MAP2: variants seen among roughly 807,000 people sequenced by gnomAD.
MAP2 encodes microtubule associated protein 2, also known as microtubule-associated protein 2.
In MAP2, 14 loss-of-function variants were observed where a neutral mutation model predicts 137.6. The observed-to-expected ratio is 0.10, with a 90% CI of 0.07 to 0.16. MAP2 has a LOEUF of 0.16. Ranked by LOEUF, MAP2 falls within the 10% of genes least tolerant of loss-of-function variation. The pLI, the probability that MAP2 is intolerant of heterozygous loss-of-function variation, is 1.00. For missense variants in MAP2, 2,088 were observed against 2,191.5 expected (o/e 0.95, Z 0.94); for synonymous variants, 786 against 782.3 (o/e 1.00, Z -0.08).
chr2:209,696,431 A>T, intron 8 of MAP2, 81 bp downstream of exon 8: 2 of 1,472,948 alleles, frequency 1.4e-6, no homozygotes. Context: ...ATTTTAAAAT[A>T]CCTCTTTATC....
At chr2:209,720,638 C>CAAAAAAAAAAAAAAAAAA in intron 13 of MAP2, among the ~76,000 whole-genome samples, 1 of 72,806 alleles carries the variant, frequency 1.4e-5, no homozygotes, top group South Asian at 5.3e-4. Context: ...TACTTGGTCT[C>CAAAAAAAAAAAAAAAAAA]AAAAAAAAAA....
At chr2:209,504,240 G>C (rs1237694253) in intron 1 of MAP2, among the ~76,000 whole-genome samples, 1 of 150,692 alleles carries the variant, frequency 6.6e-6, no homozygotes. Flanking sequence ...AAAGAAGTCA[G>C]GCTCCTGTGT....
chr2:209,710,425 C>T (rs564398696), intron 13 of MAP2, 171 bp downstream of exon 13: 2 of 618,328 alleles, frequency 3.2e-6, no homozygotes, highest in Non-Finnish European at 5.5e-6. Flanking sequence ...TGAAATACAA[C>T]GAAAATCACA....
At chr2:209,712,646 G>A (rs2153776371) in intron 13 of MAP2, among the ~76,000 whole-genome samples, 1 of 152,238 alleles carries the variant, frequency 6.6e-6, no homozygotes, top group East Asian at 1.9e-4. Flanking sequence ...CAATTGAACT[G>A]TCTTTGTAGG....
chr2:209,715,701 G>A (rs1345293790), intron 13 of MAP2, among the ~76,000 whole-genome samples: 1 of 152,172 alleles, frequency 6.6e-6, no homozygotes, highest in African/African-American at 2.4e-5. Flanking sequence ...GGATAACTAG[G>A]TAATGAGCCT....
intron 5 of MAP2, among the ~76,000 whole-genome samples, chr2:209,658,336 A>G (rs938249912): frequency 1.6e-4 from 24 of 152,008 alleles, no homozygotes; most frequent in African/African-American, 4.4e-4. Flanking sequence ...ATCAAATCCT[A>G]TCTTTACTGT....
intron 13 of MAP2, among the ~76,000 whole-genome samples, chr2:209,714,900 G>A (rs975268334): frequency 6.6e-6 from 1 of 152,032 alleles, no homozygotes; most frequent in Non-Finnish European, 1.5e-5. Flanking sequence ...GTATACCTTA[G>A]TCTTCTTTGT....
chr2:209,556,591 G>A (rs2070722171), intron 2 of MAP2, among the ~76,000 whole-genome samples: 1 of 150,478 alleles, frequency 6.6e-6, no homozygotes, highest in Non-Finnish European at 1.5e-5. Context: ...AAACATGGGT[G>A]CCAGATTTCA....
At chr2:209,530,476 A>G (rs999210716) in intron 2 of MAP2, among the ~76,000 whole-genome samples, 13 of 152,162 alleles carry the variant, frequency 8.5e-5, no homozygotes, top group African/African-American at 2.9e-4. Flanking sequence ...GGAAGTACAG[A>G]TTATTAGGGT....
chr2:209,577,701 T>C (rs1485877427), intron 2 of MAP2, among the ~76,000 whole-genome samples: 1 of 152,168 alleles, frequency 6.6e-6, no homozygotes, highest in Admixed American at 6.5e-5. Flanking sequence ...AGAAGGTGCC[T>C]TGGGAGACCG....
At chr2:209,642,548 G>T (rs575500905) in intron 4 of MAP2, among the ~76,000 whole-genome samples, 1 of 152,082 alleles carries the variant, frequency 6.6e-6, no homozygotes, top group South Asian at 2.1e-4. Context: ...TCTATTTCTA[G>T]CAATAACCTA....
chr2:209,725,611 A>G, intron 13 of MAP2, 98 bp from the exon 14 acceptor site: 1 of 593,362 alleles, frequency 1.7e-6, no homozygotes, highest in Non-Finnish European at 2.8e-6. Flanking sequence ...ATGTTGTTGC[A>G]TGTTGTGACT....
intron 1 of MAP2, among the ~76,000 whole-genome samples, chr2:209,485,176 T>G (rs912279477): frequency 2.0e-5 from 3 of 152,364 alleles, no homozygotes; most frequent in African/African-American, 7.2e-5. Flanking sequence ...TGATTCTGAC[T>G]GTCTTCATGT....
intron 12 of MAP2, among the ~76,000 whole-genome samples, chr2:209,709,711 A>T (rs925001153): frequency 2.0e-5 from 3 of 152,172 alleles, no homozygotes; most frequent in Non-Finnish European, 4.4e-5. Flanking sequence ...GTTGATAGCA[A>T]TGCATGTTCA....
chr2:209,730,232 C>T lies in MAP2; in HGVS notation c.5319C>T (p.Asp1773=), dbSNP rs781508890. Residue 1773 remains aspartate (D), a synonymous_variant, in exon 16 of 16, where the codon GAC becomes GAT. Coordinates refer to ENST00000682079, the MANE Select transcript of MAP2 (RefSeq NM_001375505.1). ...GAGAGCATGCTAAAGCCCGTGTGGACCATGGGGCTGAGATCATTACACAGT... is the reference window on the plus strand; with the variant it reads ...GAGAGCATGCTAAAGCCCGTGTGGATCATGGGGCTGAGATCATTACACAGT... ...NFREHAKARV[D]HGAEIITQSP... 5 of 1,614,036 alleles carry T rather than the reference C, an allele frequency of 3.1e-6. No individual in the cohort carries two copies. The highest frequency in any genetic ancestry group is 4.2e-6 in the Non-Finnish European group (5 of 1,180,010).
At chr2:209,500,327 C>T (rs1020607925) in intron 1 of MAP2, among the ~76,000 whole-genome samples, 3 of 152,106 alleles carry the variant, frequency 2.0e-5, no homozygotes, top group African/African-American at 7.2e-5. Flanking sequence ...AATTATTGCT[C>T]TTCTTATGGG....
intron 1 of MAP2, among the ~76,000 whole-genome samples, chr2:209,477,675 G>T (rs2149789866): frequency 1.3e-5 from 2 of 151,546 alleles, no homozygotes; most frequent in African/African-American, 2.4e-5. Flanking sequence ...TTCCTTCTTT[G>T]TCTCTCCACT....
At chr2:209,499,267 C>G (rs976177528) in intron 1 of MAP2, among the ~76,000 whole-genome samples, 1 of 152,160 alleles carries the variant, frequency 6.6e-6, no homozygotes, top group Non-Finnish European at 1.5e-5. Context: ...TCCAGCCAAG[C>G]TCTTTGCTAA....
At chr2:209,472,206 T>C (rs1211499624) in intron 1 of MAP2, among the ~76,000 whole-genome samples, 1 of 152,232 alleles carries the variant, frequency 6.6e-6, no homozygotes, top group Non-Finnish European at 1.5e-5. Flanking sequence ...ATAGAAGTTA[T>C]AGATTTTTAA....
Sources: allele counts gnomAD v4.1 joint callset (sites outside exome capture counted in the v4.1 genomes callset), GRCh38; gene constraint gnomAD v4.1.1; transcripts MANE v1.5; gene names NCBI Gene and HGNC (gene_info 2026-07-23, HGNC 2026-07-21).